The following CCDC92 variants were observed in gnomAD, a reference collection of about 807,000 sequenced individuals.
CCDC92 encodes the protein coiled-coil domain containing 92, also known as coiled-coil domain-containing protein 92.
CCDC92 carries 12 observed loss-of-function variants against 24.9 expected under a neutral mutation model. That is an observed-to-expected ratio of 0.48 (90% CI 0.31 to 0.78). CCDC92 has a LOEUF of 0.78. Among genes scored for constraint, CCDC92 ranks in the 30% least tolerant of loss-of-function variants. The probability of loss-of-function intolerance (pLI) is 0.05; values close to 1 mark genes in which losing one functional copy is unlikely to be tolerated. For synonymous variants in CCDC92, 193 were observed against 196.3 expected (o/e 0.98, Z 0.14); for missense variants, 399 against 439.4 (o/e 0.91, Z 0.82).
At chr12:123,958,348 C>G (rs187050059) in intron 1 of CCDC92, among the ~76,000 whole-genome samples, 4 of 152,192 alleles carry the variant, frequency 2.6e-5, no homozygotes, top group African/African-American at 9.6e-5. Context: ...CCACCACGCC[C>G]GGCCAATTAA....
At position 123,937,260 on chromosome 12, in the gene CCDC92, A is replaced by T. The variant is rs775068543; in HGVS notation, c.794T>A (p.Ile265Asn). The change falls in exon 5 of 5, where the codon ATC (isoleucine) becomes AAC (asparagine). Residue 265 changes from isoleucine to asparagine, a missense_variant. By Grantham distance (149) the Ile-to-Asn change is moderately radical. Coordinates refer to ENST00000238156, the MANE Select transcript of CCDC92 (RefSeq NM_025140.3). The surrounding 1 kb of genome is among the most constrained non-coding windows in gnomAD (Gnocchi z 8.4). ...VHLIKERPLV[I>N]PPIASDRSGE... The stretch of plus-strand genomic sequence containing the variant: ...GCTTCGGTCGGAGGCGATGGGGGGG[A>T]TGACGAGGGGCCTCTCTTTGATGAG... The T allele has an allele frequency of 1.9e-6, 3 of 1,610,300 alleles. No homozygotes were observed. Among genetic ancestry groups the T allele is most frequent in the Admixed American group, 3.3e-5 (2 of 59,932 alleles).
chr12:123,969,681 C>G (rs759890381), intron 1 of CCDC92, among the ~76,000 whole-genome samples: 1 of 151,930 alleles, frequency 6.6e-6, no homozygotes, highest in Non-Finnish European at 1.5e-5. Flanking sequence ...TCAGGATGGT[C>G]TTGATCTCTT....
At chr12:123,967,682 C>T (rs1956426176) in intron 1 of CCDC92, among the ~76,000 whole-genome samples, 1 of 152,210 alleles carries the variant, frequency 6.6e-6, no homozygotes, top group Admixed American at 6.5e-5. Flanking sequence ...TTTTACGTGT[C>T]CTCTGCATTA....
chr12:123,972,342 G>A (rs1956575573), intron 1 of CCDC92, among the ~76,000 whole-genome samples, 187 bp downstream of exon 1: 1 of 152,112 alleles, frequency 6.6e-6, no homozygotes, highest in Non-Finnish European at 1.5e-5. Flanking sequence ...AGCTAACGTG[G>A]CTCCCAAGCC....
intron 2 of CCDC92, chr12:123,943,792 TACTC>T: frequency 2.0e-6 from 1 of 492,326 alleles, no homozygotes; most frequent in East Asian, 3.3e-5. Flanking sequence ...CATTTCCCTT[TACTC>T]ATGAGGAAAC....
chr12:123,955,366 T>C (rs1956125933), intron 1 of CCDC92, among the ~76,000 whole-genome samples: 1 of 152,220 alleles, frequency 6.6e-6, no homozygotes. Context: ...TACTAGTTGA[T>C]AACTAAAAGA....
chr12:123,963,377 G>A (rs1327883423), intron 1 of CCDC92, among the ~76,000 whole-genome samples: 7 of 152,138 alleles, frequency 4.6e-5, no homozygotes, highest in African/African-American at 1.7e-4. Context: ...TGCTAACTCT[G>A]GAGAAAAAGG....
At chr12:123,946,286 C>G (rs550186923) in intron 1 of CCDC92, 1 of 152,550 alleles carries the variant, frequency 6.6e-6, no homozygotes, top group African/African-American at 2.4e-5. Context: ...TGGCCCTTCT[C>G]CTACCCCCAG....
chr12:123,969,461 GTTTTTTTTTTT>G (rs60485501), intron 1 of CCDC92, among the ~76,000 whole-genome samples: 4 of 93,048 alleles, frequency 4.3e-5, no homozygotes, highest in East Asian at 3.0e-4. Context: ...CTCTTATTCA[GTTTTTTTTTTT>G]TTTTTTTTTT....
At chr12:123,964,978 TAAAG>T (rs926350098) in intron 1 of CCDC92, among the ~76,000 whole-genome samples, 3 of 152,198 alleles carry the variant, frequency 2.0e-5, no homozygotes, top group African/African-American at 7.2e-5. Context: ...TAAAAACTGA[TAAAG>T]AAATTAAAAT....
intron 1 of CCDC92, among the ~76,000 whole-genome samples, chr12:123,956,898 G>A (rs1229169402): frequency 6.6e-6 from 1 of 152,194 alleles, no homozygotes; most frequent in Non-Finnish European, 1.5e-5. Flanking sequence ...ATTGGGGAAG[G>A]TAGAAAATCA....
At chr12:123,969,551 C>T (rs1956475632) in intron 1 of CCDC92, among the ~76,000 whole-genome samples, 2 of 147,792 alleles carry the variant, frequency 1.4e-5, no homozygotes, top group Admixed American at 1.4e-4. Flanking sequence ...TCACTGCAAC[C>T]TCTGCCTCCT....
At chr12:123,972,284 G>A (rs1177071347) in intron 1 of CCDC92, among the ~76,000 whole-genome samples, 2 of 152,042 alleles carry the variant, frequency 1.3e-5, no homozygotes, top group Non-Finnish European at 2.9e-5. Context: ...CCCCGACTCC[G>A]CCGTCTCCCG....
chr12:123,964,386 TAAGAG>T lies in CCDC92; in HGVS notation c.-60+8138_-60+8142del, dbSNP rs1370877481. 7.9e-5 allele frequency among the ~76,000 whole-genome samples: 12 copies of T among 151,114 alleles called. No individual in the cohort carries two copies. The East Asian group carries it at 2.0e-3, about 25-fold the overall frequency. ...ATCTATTTTTGTGAATTTGGGGGTA[TAAGAG>T]AAGGTTATGTCTTCTATATGGGGGG... On this transcript the variant is annotated intron_variant, in intron 1 of 4. Transcript: ENST00000238156.
intron 1 of CCDC92, chr12:123,945,183 C>G (rs771700277): frequency 6.6e-6 from 1 of 152,202 alleles, no homozygotes; most frequent in Non-Finnish European, 1.5e-5. Context: ...ATAGCTCTCC[C>G]TGGCCTTTGA....
chr12:123,964,419 G>A (rs1204786558), intron 1 of CCDC92, among the ~76,000 whole-genome samples: 1 of 151,852 alleles, frequency 6.6e-6, no homozygotes, highest in East Asian at 1.9e-4. Context: ...ATGGGGGGGT[G>A]ATATAAATTA....
intron 4 of CCDC92, among the ~76,000 whole-genome samples, chr12:123,941,372 C>A (rs979303509): frequency 6.6e-6 from 1 of 152,174 alleles, no homozygotes; most frequent in Non-Finnish European, 1.5e-5. Context: ...CCCTACCACA[C>A]GCAGACAAAA....
At position 123,935,678 on chromosome 12, in the gene CCDC92, G is replaced by A. The variant is rs1236750510; in HGVS notation, c.*1380C>T. On this transcript the variant is annotated 3_prime_UTR_variant, in exon 5 of 5. Coordinates refer to ENST00000238156, the MANE Select transcript of CCDC92 (RefSeq NM_025140.3). ...TTGTTTTTAATACTACTTTTTAAAA[G>A]GAATTTATATAATCAAAAAGTAAAT... The A allele has an allele frequency of 6.1e-6, 3 of 494,816 alleles. No homozygotes were observed. The highest frequency in any genetic ancestry group is 6.9e-6 in the Non-Finnish European group (2 of 291,064). The allele number at this position is 494,816 out of a possible 1,614,324, so 30.7% of individuals were successfully genotyped here. A position where few individuals can be genotyped will look rare whatever the true frequency, so the allele number is the denominator to read the frequency against.
rs1385349022 is a variant in CCDC92, at chr12:123,936,929, CAGA to C, written c.*126_*128del. 1.3e-5 allele frequency: 13 copies of C among 991,872 alleles called. No individual in the cohort carries two copies. Among genetic ancestry groups the C allele is most frequent in the Admixed American group, 2.3e-5 (1 of 43,678 alleles). 61.4% of individuals were successfully genotyped at this position (991,872 alleles called of 1,614,324 possible). Reference sequence around the variant, plus strand: ...GGTGTGAAGAAGAGGGCAAGAGAAGCAGAAGGAGAATGGGTCGGTAGGTGTGAA... The same window carrying C: ...GGTGTGAAGAAGAGGGCAAGAGAAGCAGGAGAATGGGTCGGTAGGTGTGAA... On this transcript the variant is annotated 3_prime_UTR_variant, in exon 5 of 5. Transcript: ENST00000238156.
Sources: gnomAD v4.1 joint callset for allele counts (sites outside exome capture counted in the v4.1 genomes callset) on GRCh38, gnomAD v4.1.1 for gene constraint, Gnocchi (gnomAD v3.1) non-coding constraint, MANE v1.5 for transcripts, NCBI Gene and HGNC (gene_info 2026-07-23, HGNC 2026-07-21) for gene names.